SPOCK3: variants seen among roughly 807,000 people sequenced by gnomAD.
The protein encoded by SPOCK3 is testican-3.
In SPOCK3, 30 loss-of-function variants were observed where a neutral mutation model predicts 56.6. The ratio of observed to expected loss-of-function variants is 0.53; its 90% CI spans 0.40 to 0.72. The LOEUF (loss-of-function observed/expected upper bound fraction) is 0.72, where lower values mean the gene tolerates loss of function less well. SPOCK3 is among the 30% of genes least tolerant of loss of function. The pLI, the probability that SPOCK3 is intolerant of heterozygous loss-of-function variation, is 0.00. For synonymous variants in SPOCK3, 196 were observed against 183.3 expected (o/e 1.07, Z -0.56); for missense variants, 527 against 530.0 (o/e 0.99, Z 0.06).
At chr4:167,111,940 T>C (rs971756677) in intron 2 of SPOCK3, among the ~76,000 whole-genome samples, 5 of 152,018 alleles carry the variant, frequency 3.3e-5, no homozygotes, top group Admixed American at 3.3e-4. Flanking sequence ...TTCTATTTTT[T>C]GTAGAGATGA....
intron 4 of SPOCK3, among the ~76,000 whole-genome samples, chr4:166,916,197 A>C (rs918181771): frequency 6.6e-6 from 1 of 152,064 alleles, no homozygotes; most frequent in East Asian, 1.9e-4. Flanking sequence ...CCTCAGAATC[A>C]TTCGTTTCAA....
intron 6 of SPOCK3, among the ~76,000 whole-genome samples, chr4:166,874,978 A>G (rs1732926831): frequency 6.6e-6 from 1 of 152,160 alleles, no homozygotes; most frequent in Admixed American, 6.6e-5. Flanking sequence ...TAAACAAATA[A>G]CTGTGCACCT....
Position 166,942,954 on chromosome 4 carries a change from A to G in SPOCK3, c.351-30211T>C, listed in dbSNP as rs187178204. Among the ~76,000 whole-genome samples, 33 of 152,282 alleles carry G rather than the reference A, an allele frequency of 2.2e-4. No individual in the cohort carries two copies. In the East Asian group the frequency reaches 6.4e-3, roughly 29 times the overall value. ...AGCTGTTTATATTAGTTAGTTTGGG[A>G]GAAAATGTGTGCATATATTCTGTCT... is the stretch of plus-strand genomic sequence containing the variant. On this transcript the variant is annotated intron_variant, in intron 4 of 10. Transcript: ENST00000357545.
intron 4 of SPOCK3, among the ~76,000 whole-genome samples, chr4:166,997,846 G>A (rs1008442907): frequency 2.0e-5 from 3 of 152,238 alleles, no homozygotes; most frequent in Non-Finnish European, 2.9e-5. Flanking sequence ...TCTCTTTTAT[G>A]AGATCTAGGG....
intron 6 of SPOCK3, among the ~76,000 whole-genome samples, chr4:166,841,427 A>C (rs1381021089): frequency 6.6e-6 from 1 of 152,170 alleles, no homozygotes; most frequent in Non-Finnish European, 1.5e-5. Flanking sequence ...ATTTTTAAAA[A>C]AATTTCTTAA....
At chr4:166,889,342 A>C in intron 5 of SPOCK3, 98 bp from the exon 6 acceptor site, 1 of 727,184 alleles carries the variant, frequency 1.4e-6, no homozygotes, top group Non-Finnish European at 2.3e-6. Context: ...TGATGCATAT[A>C]ATTTGGAGAT....
intron 4 of SPOCK3, among the ~76,000 whole-genome samples, chr4:166,962,930 A>T (rs933091430): frequency 6.6e-6 from 1 of 152,042 alleles, no homozygotes; most frequent in South Asian, 2.1e-4. Context: ...AGACCACAAC[A>T]TGGTCAGTTC....
At chr4:167,018,698 A>T (rs1210830264) in intron 3 of SPOCK3, among the ~76,000 whole-genome samples, 2 of 151,896 alleles carry the variant, frequency 1.3e-5, no homozygotes, top group African/African-American at 2.4e-5. Context: ...GCCTTTGAGA[A>T]TCCAATATCT....
intron 6 of SPOCK3, among the ~76,000 whole-genome samples, chr4:166,871,817 A>G (rs13141098): frequency 2.0e-5 from 3 of 150,720 alleles, no homozygotes; most frequent in Non-Finnish European, 4.4e-5. Context: ...AAATTATTTT[A>G]TATATAAAAC....
chr4:166,836,017 C>G (rs1746577032), intron 6 of SPOCK3, among the ~76,000 whole-genome samples: 1 of 152,000 alleles, frequency 6.6e-6, no homozygotes, highest in Non-Finnish European at 1.5e-5. Flanking sequence ...CACACACACA[C>G]ACACAAAAAA....
intron 4 of SPOCK3, among the ~76,000 whole-genome samples, chr4:166,946,135 G>T (rs1380990818): frequency 1.3e-5 from 2 of 151,940 alleles, no homozygotes; most frequent in Non-Finnish European, 2.9e-5. Context: ...GGTTATCTCT[G>T]TTTTGCTCAT....
chr4:166,974,126 A>G (rs1182651932), intron 4 of SPOCK3, among the ~76,000 whole-genome samples: 2 of 152,164 alleles, frequency 1.3e-5, no homozygotes, highest in African/African-American at 4.8e-5. Flanking sequence ...GTCATTTTTA[A>G]GATTCTCATG....
intron 4 of SPOCK3, among the ~76,000 whole-genome samples, chr4:166,956,992 A>T (rs1451936488): frequency 1.3e-5 from 2 of 152,090 alleles, no homozygotes; most frequent in East Asian, 3.9e-4. Context: ...GGTGGCTTAC[A>T]CCTGTAATCT....
intron 4 of SPOCK3, among the ~76,000 whole-genome samples, chr4:166,945,241 C>T (rs1342988641): frequency 6.6e-6 from 1 of 152,188 alleles, no homozygotes. Flanking sequence ...TAATGACTCC[C>T]TGGCACCCTC....
chr4:166,952,129 G>T (rs1444226368), intron 4 of SPOCK3, among the ~76,000 whole-genome samples: 1 of 152,156 alleles, frequency 6.6e-6, no homozygotes. Context: ...ATTAGGAAAA[G>T]AGGTAGTCAA....
intron 2 of SPOCK3, among the ~76,000 whole-genome samples, chr4:167,063,597 A>T (rs1755814643): frequency 6.6e-6 from 1 of 151,910 alleles, no homozygotes; most frequent in African/African-American, 2.4e-5. Context: ...ATAGTGGTGA[A>T]GTCTCAGCTT....
rs549096998 is a variant in SPOCK3 at position 167,193,184 on chromosome 4, G to T, written c.189+40801C>A. ...TTTGTTGTTTTCTGGTTGTTCTATAGTACCTTTGTCCCTTTCTTTCTCTCT... is the reference window on the plus strand; with the variant it reads ...TTTGTTGTTTTCTGGTTGTTCTATATTACCTTTGTCCCTTTCTTTCTCTCT... On this transcript the variant is annotated intron_variant, in intron 2 of 10. Coordinates refer to ENST00000357545, the MANE Select transcript of SPOCK3 (RefSeq NM_001040159.2). Among the ~76,000 whole-genome samples, 20 of 145,716 alleles carry T rather than the reference G, an allele frequency of 1.4e-4. 2 individuals carry two copies. The highest frequency in any genetic ancestry group is 5.0e-4 in the African/African-American group (19 of 38,164).
At position 167,159,705 on chromosome 4, in the gene SPOCK3, C is replaced by T. The variant is rs542837323; in HGVS notation, c.189+74280G>A. ...AGCTTATCCACCATGATCAACTGGG[C>T]TTCATCCCTGGGATGCAAGGCTGAT... On this transcript the variant is annotated intron_variant, in intron 2 of 10. Transcript: ENST00000357545. Among the ~76,000 whole-genome samples, 4 of 152,266 alleles carry T rather than the reference C, an allele frequency of 2.6e-5. No individual in the cohort carries two copies. The South Asian group carries it at 8.3e-4, about 32-fold the overall frequency.
At chr4:167,197,795 C>T (rs897857030) in intron 2 of SPOCK3, among the ~76,000 whole-genome samples, 2 of 152,090 alleles carry the variant, frequency 1.3e-5, no homozygotes, top group African/African-American at 4.8e-5. Context: ...CCCCAATGGC[C>T]TTTGCAAGAA....
Sources: gnomAD v4.1 joint callset for allele counts (sites outside exome capture counted in the v4.1 genomes callset) on GRCh38, gnomAD v4.1.1 for gene constraint, MANE v1.5 for transcripts, NCBI Gene and HGNC (gene_info 2026-07-23, HGNC 2026-07-21) for gene names.